Variants in ARFGAP3 observed in about 807,000 individuals in gnomAD.
The protein encoded by ARFGAP3 is ADP-ribosylation factor GTPase-activating protein 3.
In ARFGAP3, 72 loss-of-function variants were observed where a neutral mutation model predicts 75.0. The ratio of observed to expected loss-of-function variants is 0.96; its 90% confidence interval spans 0.79 to 1.17. The LOEUF (loss-of-function observed/expected upper bound fraction) is 1.17, where lower values mean the gene tolerates loss of function less well. Ranked by LOEUF, ARFGAP3 falls within the 50% of genes most tolerant of loss-of-function variation. ARFGAP3 has a pLI of 0.00. For missense variants in ARFGAP3, 620 were observed against 626.6 expected (o/e 0.99, Z 0.11); for synonymous variants, 221 against 217.9 (o/e 1.01, Z -0.13).
intron 9 of ARFGAP3, 47 bp downstream of exon 9, chr22:42,822,223 T>A: frequency 6.7e-7 from 1 of 1,483,152 alleles, no homozygotes; most frequent in Non-Finnish European, 9.3e-7. Context: ...CTTGAGTTAA[T>A]AGTTTTATTC....
At chr22:42,814,232 T>C (rs1403578059) in intron 11 of ARFGAP3, among the ~76,000 whole-genome samples, 1 of 152,260 alleles carries the variant, frequency 6.6e-6, no homozygotes, top group Non-Finnish European at 1.5e-5. Flanking sequence ...CAAGTTCTAA[T>C]GGGCTAATGA....
chr22:42,840,761 T>C (rs1179790297), intron 3 of ARFGAP3, among the ~76,000 whole-genome samples, 183 bp downstream of exon 3: 1 of 152,122 alleles, frequency 6.6e-6, no homozygotes, highest in Admixed American at 6.6e-5. Context: ...GGTCTTGCCA[T>C]GTTGCCCAGG....
intron 7 of ARFGAP3, 186 bp from the exon 8 acceptor site, chr22:42,823,888 T>C: frequency 2.3e-6 from 1 of 432,748 alleles, no homozygotes; most frequent in Non-Finnish European, 3.1e-6. Flanking sequence ...TTTGTCAAAA[T>C]GGTGTCCTCA....
At chr22:42,833,619 G>C (rs553193743) in intron 5 of ARFGAP3, among the ~76,000 whole-genome samples, 2 of 152,292 alleles carry the variant, frequency 1.3e-5, no homozygotes, top group Admixed American at 6.5e-5. Context: ...AGCCAGGTGT[G>C]GTGGCGTGCA....
intron 14 of ARFGAP3, 32 bp from the exon 15 acceptor site, chr22:42,799,192 C>T (rs1924744766): frequency 4.4e-6 from 7 of 1,608,644 alleles, no homozygotes; most frequent in African/African-American, 1.3e-5. Context: ...TGTCTCATCA[C>T]TGCCCTGGCC....
intron 4 of ARFGAP3, 72 bp downstream of exon 4, chr22:42,835,290 C>G (rs751631441): frequency 5.2e-6 from 8 of 1,546,434 alleles, no homozygotes; most frequent in Non-Finnish European, 7.0e-6. Context: ...TTTTACTATT[C>G]AGGATAAAAA....
At chr22:42,801,768 G>A (rs1043370733) in intron 14 of ARFGAP3, among the ~76,000 whole-genome samples, 3 of 152,154 alleles carry the variant, frequency 2.0e-5, no homozygotes, top group African/African-American at 7.2e-5. Flanking sequence ...AGGCGCCAAG[G>A]GCACAGAAAT....
In ARFGAP3 at chr22:42,837,675, C is replaced by CT. The variant is rs71186547; in HGVS notation, c.262-2183dup. Among the ~76,000 whole-genome samples the CT allele has an allele frequency of 5.4e-3, 409 of 75,632 alleles. 19 individuals are homozygous for CT. The highest frequency in any genetic ancestry group is 0.015 in the Middle Eastern group (1 of 66). 49.6% of individuals were successfully genotyped at this position (75,632 alleles called of 152,430 possible). A position where few individuals can be genotyped will look rare whatever the true frequency, so the allele number is the denominator to read the frequency against. On this transcript the variant is annotated intron_variant, in intron 3 of 15. Coordinates refer to ENST00000263245, the MANE Select transcript of ARFGAP3 (RefSeq NM_014570.5). The stretch of plus-strand genomic sequence containing the variant: ...GCCTTGAAACATCTAAGGCATACTT[C>CT]TTTTTTTTTTTTTTTTTTTTTTGAG...
intron 4 of ARFGAP3, among the ~76,000 whole-genome samples, chr22:42,834,778 A>C (rs144577886): frequency 3.3e-5 from 5 of 152,352 alleles, no homozygotes; most frequent in Non-Finnish European, 5.9e-5. Context: ...AGAACAAGAC[A>C]CACTACTCTG....
chr22:42,840,511 G>C (rs1203653054), intron 3 of ARFGAP3, among the ~76,000 whole-genome samples: 1 of 151,760 alleles, frequency 6.6e-6, no homozygotes, highest in African/African-American at 2.4e-5. Flanking sequence ...CTGCCTCCCA[G>C]GTTCATGCAA....
At chr22:42,847,315 C>T (rs1406160886) in intron 2 of ARFGAP3, 199 bp downstream of exon 2, 4 of 509,010 alleles carry the variant, frequency 7.9e-6, no homozygotes, top group Admixed American at 3.5e-5. Context: ...TAGAGTTATA[C>T]ATCATCACAC....
chr22:42,833,846 G>T (rs1157797549), intron 5 of ARFGAP3, among the ~76,000 whole-genome samples: 1 of 152,222 alleles, frequency 6.6e-6, no homozygotes, highest in Non-Finnish European at 1.5e-5. Context: ...AACCCAGGGG[G>T]CAGAGGTTGT....
chr22:42,811,122 T>A (rs1905207521), intron 11 of ARFGAP3, 178 bp from the exon 12 acceptor site: 2 of 562,942 alleles, frequency 3.6e-6, no homozygotes, highest in Admixed American at 1.3e-4. Context: ...GCCTTTCAAG[T>A]ACCTGTGTTC....
Position 42,847,545 on chromosome 22 carries a change from G to A in ARFGAP3, c.157C>T (p.Arg53Trp), listed in dbSNP as rs1467433149. ...AAACTCAAGTGAACACCAAGTGACC[G>A]GTGGGACCCTGAGCAATCAATGCAA... ...FLCIDCSGSH[R>W]SLGVHLSFIR... Residue 53 changes from arginine to tryptophan, a missense_variant, in exon 2 of 16, where the codon CGG becomes TGG. Physicochemically the swap from Arg to Trp is moderately radical, Grantham distance 101. Coordinates refer to ENST00000263245, the MANE Select transcript of ARFGAP3 (RefSeq NM_014570.5). 18 of 1,613,334 alleles carry A rather than the reference G, an allele frequency of 1.1e-5. No individual in the cohort carries two copies. The highest frequency in any genetic ancestry group is 1.4e-5 in the Non-Finnish European group (17 of 1,179,652).
At chr22:42,813,680 C>T (rs992119266) in intron 11 of ARFGAP3, among the ~76,000 whole-genome samples, 2 of 152,120 alleles carry the variant, frequency 1.3e-5, no homozygotes, top group Non-Finnish European at 2.9e-5. Flanking sequence ...CAGTCATCCA[C>T]GAGAGGCTCT....
At chr22:42,831,769 A>G in intron 5 of ARFGAP3, 133 bp from the exon 6 acceptor site, 3 of 1,472,310 alleles carry the variant, frequency 2.0e-6, no homozygotes, top group Non-Finnish European at 2.7e-6. Context: ...AGGAAGGCAT[A>G]TCTACTTTTT....
At chr22:42,806,960 A>G (rs1305969145) in intron 14 of ARFGAP3, 113 bp downstream of exon 14, 2 of 1,078,150 alleles carry the variant, frequency 1.9e-6, no homozygotes, top group Non-Finnish European at 2.6e-6. Context: ...CAGAGATCAG[A>G]GCATCGAATA....
chr22:42,817,393 A>C (rs1925625464), intron 10 of ARFGAP3, 129 bp from the exon 11 acceptor site: 1 of 1,322,972 alleles, frequency 7.6e-7, no homozygotes, highest in Non-Finnish European at 9.9e-7. Flanking sequence ...ATAAGCAATA[A>C]AACAATTTTT....
At chr22:42,817,878 T>A (rs1463146252) in intron 9 of ARFGAP3, 21 bp from the exon 10 acceptor site, 2 of 1,560,242 alleles carry the variant, frequency 1.3e-6, no homozygotes, top group Admixed American at 1.9e-5. Flanking sequence ...AACCAAATAC[T>A]CCTTAATTTA....
Sources: allele counts gnomAD v4.1 joint callset (sites outside exome capture counted in the v4.1 genomes callset), GRCh38; gene constraint gnomAD v4.1.1; transcripts MANE v1.5; gene names NCBI Gene and HGNC (gene_info 2026-07-23, HGNC 2026-07-21).